UBE2O: variants seen among roughly 807,000 people sequenced by gnomAD.
The protein encoded by UBE2O is (E3-independent) E2 ubiquitin-conjugating enzyme.
A neutral mutation model predicts 125.8 loss-of-function variants in UBE2O; 15 were observed. The ratio of observed to expected loss-of-function variants is 0.12; its 90% confidence interval spans 0.08 to 0.18. UBE2O has a LOEUF of 0.18. Among genes scored for constraint, UBE2O ranks in the 10% least tolerant of loss-of-function variants. The pLI, the probability that UBE2O is intolerant of heterozygous loss-of-function variation, is 1.00. For synonymous variants in UBE2O, 708 were observed against 703.2 expected (o/e 1.01, Z -0.11); for missense variants, 1,280 against 1,723.6 (o/e 0.74, Z 4.56).
Position 76,402,559 on chromosome 17 carries a change from C to T in UBE2O, c.686+43G>A. 1.3e-6 allele frequency: 2 copies of T among 1,547,816 alleles called. No individual in the cohort carries two copies. Among genetic ancestry groups the T allele is most frequent in the Non-Finnish European group, 8.9e-7 (1 of 1,119,598 alleles). On this transcript the variant is annotated intron_variant, in intron 4 of 17. Transcript: ENST00000319380. This position sits in a 1 kb window ranked among gnomAD's most constrained non-coding sequence, Gnocchi z 5.4. ...CTCCTCCTCCCCTCTTTCCAAGAGG[C>T]TATCCTTCCCAAGCCGATGGCTCTC...
rs369002553 is a variant in UBE2O at position 76,452,390 on chromosome 17, C to A, written c.417+335G>T. Among the ~76,000 whole-genome samples, 1 of 152,166 alleles carries A rather than the reference C, an allele frequency of 6.6e-6. No individual in the cohort carries two copies. The highest frequency in any genetic ancestry group is 1.5e-5 in the Non-Finnish European group (1 of 68,018). ...TCAGCAAAACGCCGCACTGGTGTAA[C>A]GCCGAACGCGCCCCAGAACCTGAGT... On this transcript the variant is annotated intron_variant, in intron 1 of 17. Transcript: ENST00000319380. This position sits in a 1 kb window ranked among gnomAD's most constrained non-coding sequence, Gnocchi z 4.4.
At position 76,438,656 on chromosome 17, in the gene UBE2O, TG is replaced by T. The variant is rs1182444652; in HGVS notation, c.417+14068del. Among the ~76,000 whole-genome samples the T allele has an allele frequency of 2.0e-5, 3 of 152,198 alleles. No homozygotes were observed. The South Asian group carries it at 6.2e-4, about 31-fold the overall frequency. The stretch of plus-strand genomic sequence containing the variant: ...AGGTTCGATAGATTTCAGATTTTAC[TG>T]GGGGGTTAGGTACTAAGTCAAATTG... On this transcript the variant is annotated intron_variant, in intron 1 of 17. Transcript: ENST00000319380.
chr17:76,400,993 C>A lies in UBE2O; in HGVS notation c.894+18G>T. On this transcript the variant is annotated intron_variant, in intron 6 of 17. Transcript: ENST00000319380. The surrounding 1 kb of genome is among the most constrained non-coding windows in gnomAD (Gnocchi z 4.3). The stretch of plus-strand genomic sequence containing the variant: ...GGAGGTCAAGGACTCCATCTCCTAC[C>A]CTTGGGCCCGGACCCACCTCTTCCA... 6.2e-7 allele frequency: 1 copy of A among 1,613,166 alleles called. No homozygotes were observed. The highest frequency in any genetic ancestry group is 8.5e-7 in the Non-Finnish European group (1 of 1,179,826).
chr17:76,451,790 G>A (rs1490465498), intron 1 of UBE2O, among the ~76,000 whole-genome samples: 2 of 151,990 alleles, frequency 1.3e-5, no homozygotes, highest in Non-Finnish European at 2.9e-5. Context: ...GTGTGTGTGT[G>A]TGTGTGTGTG....
chr17:76,391,142 G>A lies in UBE2O; in HGVS notation c.3680C>T (p.Ser1227Leu), dbSNP rs779363008. 18 of 1,613,900 alleles carry A rather than the reference G, an allele frequency of 1.1e-5. No homozygotes were observed. In the African/African-American group the frequency reaches 1.5e-4, roughly 13 times the overall value. ...DQTSETAPDA[S>L]VPPSVKPKKR... ...CTTTGGTTTCACACTGGGTGGCACC[G>A]ATGCGTCTGGTGCGGTCTCCGAAGT... Residue 1227 changes from serine (S) to leucine (L), a missense_variant, in exon 18 of 18, where the codon TCG becomes TTG. Physicochemically the swap from Ser to Leu is moderately radical, Grantham distance 145. Transcript: ENST00000319380. The surrounding 1 kb of genome is among the most constrained non-coding windows in gnomAD (Gnocchi z 8.4).
In UBE2O at chr17:76,452,247, G is replaced by T. The variant is rs781149933; in HGVS notation, c.417+478C>A. ...AGCCTGTAAGCTAGTGAACTTCTTG[G>T]GTTCGGCTGGGATTTTCACCTCTAT... On this transcript the variant is annotated intron_variant, in intron 1 of 17. Coordinates refer to ENST00000319380, the MANE Select transcript of UBE2O (RefSeq NM_022066.4). The surrounding 1 kb of genome is among the most constrained non-coding windows in gnomAD (Gnocchi z 4.4). 6.6e-6 allele frequency among the ~76,000 whole-genome samples: 1 copy of T among 152,130 alleles called. No homozygotes were observed. Among genetic ancestry groups the T allele is most frequent in the Non-Finnish European group, 1.5e-5 (1 of 68,026 alleles).
chr17:76,401,932 C>A, intron 5 of UBE2O, 132 bp downstream of exon 5: 1 of 715,624 alleles, frequency 1.4e-6, no homozygotes, highest in Non-Finnish European at 2.1e-6. Context: ...AACTTTTAGA[C>A]CCTCTGGCGC....
Position 76,404,839 on chromosome 17 carries a change from A to T in UBE2O, c.588+367T>A, listed in dbSNP as rs1248711177. On this transcript the variant is annotated intron_variant, in intron 3 of 17. Coordinates refer to ENST00000319380, the MANE Select transcript of UBE2O (RefSeq NM_022066.4). The surrounding 1 kb of genome is among the most constrained non-coding windows in gnomAD (Gnocchi z 4.3). Reference sequence around the variant, plus strand: ...CGAAGTGAAATCTTAACAGCTGAGGAACCTGGATGGAGGGACACAGGAATT... The same window carrying T: ...CGAAGTGAAATCTTAACAGCTGAGGTACCTGGATGGAGGGACACAGGAATT... 6.6e-6 allele frequency among the ~76,000 whole-genome samples: 1 copy of T among 152,192 alleles called. No individual in the cohort carries two copies. The highest frequency in any genetic ancestry group is 1.5e-5 in the Non-Finnish European group (1 of 68,026).
In UBE2O at chr17:76,430,044, T is replaced by G. The variant is rs562755842; in HGVS notation, c.417+22681A>C. Among the ~76,000 whole-genome samples, 4 of 152,332 alleles carry G rather than the reference T, an allele frequency of 2.6e-5. No homozygotes were observed. In the South Asian group the frequency reaches 6.2e-4, roughly 24 times the overall value. ...CTCTGCTTTTAGGCCCAAACCTTAT[T>G]CCCACCTTGAGTGCCACCAATTGCC... On this transcript the variant is annotated intron_variant, in intron 1 of 17. Transcript: ENST00000319380.
In UBE2O at chr17:76,399,470, C is replaced by T. The variant is rs759221383; in HGVS notation, c.1607G>A (p.Arg536Gln). 5.0e-6 allele frequency: 8 copies of T among 1,613,918 alleles called. No individual in the cohort carries two copies. Among genetic ancestry groups the T allele is most frequent in the Admixed American group, 1.7e-5 (1 of 59,990 alleles). Residue 536 changes from arginine (R) to glutamine (Q), a missense_variant, in exon 9 of 18, where the codon CGA becomes CAA. Around this residue, in one of 10 missense-constraint regions of UBE2O, gnomAD observed 145 missense variants for 219.6 expected, o/e 0.66. Transcript: ENST00000319380. The surrounding 1 kb of genome is among the most constrained non-coding windows in gnomAD (Gnocchi z 6.9). ...KHKRKKNKITRDFKPGDRVAV... is the reference protein window; with the variant it reads ...KHKRKKNKITQDFKPGDRVAV... ...TTACCTGTCCCCTGGCTTGAAGTCT[C>T]GAGTGATTTTATTCTTCTTCCTCTT...
At chr17:76,397,378 G>A (rs553444474) in intron 13 of UBE2O, among the ~76,000 whole-genome samples, 9 of 152,326 alleles carry the variant, frequency 5.9e-5, no homozygotes, top group Non-Finnish European at 7.3e-5. Flanking sequence ...AGGAGAGCCC[G>A]TGTAGCCCTT....
At chr17:76,432,466 T>C (rs1397935199) in intron 1 of UBE2O, among the ~76,000 whole-genome samples, 2 of 152,186 alleles carry the variant, frequency 1.3e-5, no homozygotes, top group African/African-American at 4.8e-5. Flanking sequence ...AGAAAACCTA[T>C]TTAGCAACCC....
intron 1 of UBE2O, among the ~76,000 whole-genome samples, chr17:76,408,729 C>T (rs906488613): frequency 2.0e-5 from 3 of 152,198 alleles, no homozygotes; most frequent in Non-Finnish European, 4.4e-5. Context: ...AGGTGCCAGC[C>T]GGCCTGGCAG....
Position 76,452,953 on chromosome 17 carries a change from G to A in UBE2O, c.189C>T (p.His63=). 6.7e-7 allele frequency: 1 copy of A among 1,496,928 alleles called. No homozygotes were observed. Among genetic ancestry groups the A allele is most frequent in the East Asian group, 3.0e-5 (1 of 33,706 alleles). 92.7% of individuals were successfully genotyped at this position (1,496,928 alleles called of 1,614,324 possible). A position where few individuals can be genotyped will look rare whatever the true frequency, so the allele number is the denominator to read the frequency against. The change falls in exon 1 of 18, where the codon CAC becomes CAT. Residue 63 remains histidine (H), a synonymous_variant. Transcript: ENST00000319380. This position sits in a 1 kb window ranked among gnomAD's most constrained non-coding sequence, Gnocchi z 4.4. ...EAGSQRLLFS[H]DLVSGRYRGS... ...CACGGTAACGGCCCGACACCAGGTCGTGAGAAAACAGCAGGCGCTGCGAGC... is the reference window on the plus strand; with the variant it reads ...CACGGTAACGGCCCGACACCAGGTCATGAGAAAACAGCAGGCGCTGCGAGC...
rs747181080 is a variant in UBE2O at position 76,391,386 on chromosome 17, G to A, written c.3436C>T (p.Leu1146=). Residue 1146 remains leucine, a synonymous_variant, in exon 18 of 18, where the codon CTG becomes TTG. Transcript: ENST00000319380. This position sits in a 1 kb window ranked among gnomAD's most constrained non-coding sequence, Gnocchi z 8.4. The stretch of plus-strand genomic sequence containing the variant: ...TTCTCCAGCAGGGCATGGGTTTCCA[G>A]CCAGGACTCGATACGGTTCACCAGC... ...WRLVNRIESW[L]ETHALLEKAQ... is the part of the protein sequence containing the mutation. 2.5e-6 allele frequency: 4 copies of A among 1,613,288 alleles called. No homozygotes were observed. Among genetic ancestry groups the A allele is most frequent in the Admixed American group, 1.7e-5 (1 of 60,014 alleles).
chr17:76,397,744 CG>C, intron 13 of UBE2O, 54 bp downstream of exon 13: 2 of 1,566,906 alleles, frequency 1.3e-6, no homozygotes, highest in Non-Finnish European at 1.8e-6. Context: ...CTGTGGCCCC[CG>C]GCCCAAGTTG....
In UBE2O at chr17:76,398,392, C is replaced by G. The variant is rs1324081443; in HGVS notation, c.1897-9G>C. ...TCCTCTTCTCCAATCAGCTGTGGCA[C>G]AGGACAGGTTGTCATGAGCTAGGGG... is the stretch of plus-strand genomic sequence containing the variant. On this transcript the variant is annotated splice_polypyrimidine_tract_variant and intron_variant, in intron 11 of 17. Transcript: ENST00000319380. This position sits in a 1 kb window ranked among gnomAD's most constrained non-coding sequence, Gnocchi z 5.4. 2 of 1,614,022 alleles carry G rather than the reference C, an allele frequency of 1.2e-6. No homozygotes were observed. Among genetic ancestry groups the G allele is most frequent in the African/African-American group, 2.7e-5 (2 of 74,886 alleles).
rs2072397590 is a variant in UBE2O, at chr17:76,405,376, A to C, written c.478-60T>G. 6.5e-7 allele frequency: 1 copy of C among 1,539,620 alleles called. No individual in the cohort carries two copies. Among genetic ancestry groups the C allele is most frequent in the Admixed American group, 1.8e-5 (1 of 56,686 alleles). ...GCAGCAGCCCTGGTCACCAGGGGAGACCCAGCCCAGGCAACCCCAGCGCAC... is the reference window on the plus strand; with the variant it reads ...GCAGCAGCCCTGGTCACCAGGGGAGCCCCAGCCCAGGCAACCCCAGCGCAC... On this transcript the variant is annotated intron_variant, in intron 2 of 17. Transcript: ENST00000319380. This position sits in a 1 kb window ranked among gnomAD's most constrained non-coding sequence, Gnocchi z 6.1.
chr17:76,405,615 C>T lies in UBE2O; in HGVS notation c.418-43G>A. ...GGTGTGAGAGAATGGACTCTGAAGC[C>T]ACCACAGAATACAGTTTTCTTCCAG... On this transcript the variant is annotated intron_variant, in intron 1 of 17. Coordinates refer to ENST00000319380, the MANE Select transcript of UBE2O (RefSeq NM_022066.4). The surrounding 1 kb of genome is among the most constrained non-coding windows in gnomAD (Gnocchi z 6.1). The T allele has an allele frequency of 6.6e-7, 1 of 1,508,396 alleles. No homozygotes were observed. 93.4% of individuals were successfully genotyped at this position (1,508,396 alleles called of 1,614,324 possible). A position where few individuals can be genotyped will look rare whatever the true frequency, so the allele number is the denominator to read the frequency against.
Sources: gnomAD v4.1 joint callset for allele counts (sites outside exome capture counted in the v4.1 genomes callset) on GRCh38, gnomAD v4.1.1 for gene constraint, gnomAD v4.1.1 regional missense constraint, Gnocchi (gnomAD v3.1) non-coding constraint, MANE v1.5 for transcripts, NCBI Gene and HGNC (gene_info 2026-07-23, HGNC 2026-07-21) for gene names.